Variants in ARB2A observed in about 807,000 individuals in gnomAD.
ARB2A encodes cotranscriptional regulator ARB2A.
the ARB2A span, among the ~76,000 whole-genome samples, chr5:93,835,969 T>C: frequency 6.6e-6 from 1 of 152,142 alleles, no homozygotes; most frequent in Admixed American, 6.5e-5. Flanking sequence ...GGATGGAGGA[T>C]GCAAAAATGT....
the ARB2A span, among the ~76,000 whole-genome samples, chr5:93,758,480 T>C: frequency 6.6e-6 from 1 of 152,086 alleles, no homozygotes; most frequent in Non-Finnish European, 1.5e-5. Context: ...TTCTCTAAGA[T>C]AGACCATATG....
At chr5:93,759,184 C>T in the ARB2A span, among the ~76,000 whole-genome samples, 1 of 152,088 alleles carries the variant, frequency 6.6e-6, no homozygotes, top group Non-Finnish European at 1.5e-5. Context: ...TACAACCCTC[C>T]TAGCTTAAAT....
the ARB2A span, among the ~76,000 whole-genome samples, chr5:93,926,467 C>G: frequency 6.6e-6 from 1 of 151,934 alleles, no homozygotes; most frequent in Non-Finnish European, 1.5e-5. Context: ...TTTTAATATG[C>G]CTTATACACT....
the ARB2A span, among the ~76,000 whole-genome samples, chr5:93,730,274 A>T: frequency 6.6e-6 from 1 of 152,172 alleles, no homozygotes; most frequent in Non-Finnish European, 1.5e-5. Flanking sequence ...ACACAGAAGC[A>T]GCAAAACGTT....
chr5:93,882,298 G>T, the ARB2A span, among the ~76,000 whole-genome samples: 6 of 151,106 alleles, frequency 4.0e-5, no homozygotes, highest in African/African-American at 1.5e-4. Context: ...TCTCACAGGA[G>T]GCCAGAAAAA....
chr5:93,679,364 A>T, the ARB2A span, among the ~76,000 whole-genome samples: 1 of 152,058 alleles, frequency 6.6e-6, no homozygotes, highest in Non-Finnish European at 1.5e-5. Flanking sequence ...TAAATCTTCA[A>T]CACGTCGAAA....
the ARB2A span, among the ~76,000 whole-genome samples, chr5:93,885,299 C>T: frequency 6.6e-6 from 1 of 151,556 alleles, no homozygotes; most frequent in African/African-American, 2.4e-5. Flanking sequence ...TGGGTTGCTA[C>T]TCTACTAAGG....
chr5:94,053,882 C>T, the ARB2A span, among the ~76,000 whole-genome samples: 1 of 152,188 alleles, frequency 6.6e-6, no homozygotes, highest in Non-Finnish European at 1.5e-5. Flanking sequence ...GATCCTCCCA[C>T]CTCAGCCTTC....
the ARB2A span, among the ~76,000 whole-genome samples, chr5:93,961,698 G>A: frequency 2.0e-5 from 3 of 151,960 alleles, no homozygotes; most frequent in South Asian, 6.2e-4. Context: ...AGAAAAAAGA[G>A]GGAAAAGGGA....
At chr5:93,632,621 G>T in the ARB2A span, among the ~76,000 whole-genome samples, 1 of 152,158 alleles carries the variant, frequency 6.6e-6, no homozygotes, top group Admixed American at 6.5e-5. Flanking sequence ...CTGGTATGTA[G>T]AGAATGAGTT....
the ARB2A span, among the ~76,000 whole-genome samples, chr5:93,959,488 T>TAA: frequency 1.3e-5 from 2 of 152,032 alleles, no homozygotes; most frequent in South Asian, 4.2e-4. Context: ...AATAGAAAAC[T>TAA]AAAATTGGAG....
chr5:93,825,512 C>G, the ARB2A span, among the ~76,000 whole-genome samples: 10 of 152,306 alleles, frequency 6.6e-5, no homozygotes, highest in African/African-American at 2.4e-4. Flanking sequence ...GATGCTTGTT[C>G]TTGCTTCAAT....
chr5:93,923,715 G>A, the ARB2A span, among the ~76,000 whole-genome samples: 1 of 152,140 alleles, frequency 6.6e-6, no homozygotes, highest in East Asian at 1.9e-4. Flanking sequence ...GAGCTGAGGT[G>A]GGAGGATTGC....
the ARB2A span, among the ~76,000 whole-genome samples, chr5:94,084,414 C>CA: frequency 3.3e-5 from 5 of 150,896 alleles, no homozygotes; most frequent in African/African-American, 9.8e-5. Flanking sequence ...GACTGAAATA[C>CA]AAAAAATATA....
the ARB2A span, among the ~76,000 whole-genome samples, chr5:93,830,172 G>A: frequency 6.6e-6 from 1 of 151,186 alleles, no homozygotes; most frequent in Non-Finnish European, 1.5e-5. Context: ...AAATAGGAAA[G>A]TTACCAGAGT....
At chr5:93,828,646 AC>A in the ARB2A span, among the ~76,000 whole-genome samples, 1 of 152,208 alleles carries the variant, frequency 6.6e-6, no homozygotes, top group Non-Finnish European at 1.5e-5. Flanking sequence ...TTGACCATTT[AC>A]ATGTTTTAAT....
chr5:94,068,040 G>A, the ARB2A span, among the ~76,000 whole-genome samples: 1 of 152,208 alleles, frequency 6.6e-6, no homozygotes, highest in African/African-American at 2.4e-5. Flanking sequence ...GCCGAAGTGT[G>A]CGGATCACTT....
chr5:93,920,126 T>G, the ARB2A span, among the ~76,000 whole-genome samples: 1 of 152,180 alleles, frequency 6.6e-6, no homozygotes, highest in African/African-American at 2.4e-5. Context: ...TAGTACACAG[T>G]AGTATAAACC....
chr5:93,720,095 T>A, the ARB2A span, among the ~76,000 whole-genome samples: 1 of 152,204 alleles, frequency 6.6e-6, no homozygotes, highest in South Asian at 2.1e-4. Flanking sequence ...TGGACTGCAG[T>A]CAACAGCTAT....
Sources: allele counts gnomAD v4.1 joint callset (sites outside exome capture counted in the v4.1 genomes callset), GRCh38; gene constraint gnomAD v4.1.1; transcripts MANE v1.5; gene names NCBI Gene and HGNC (gene_info 2026-07-23, HGNC 2026-07-21).